Variants in ELOVL2 observed in about 807,000 individuals in gnomAD.
ELOVL2 encodes very long chain fatty acid elongase 2.
In ELOVL2, 38 loss-of-function variants were observed where a neutral mutation model predicts 37.7. That is an observed-to-expected ratio of 1.01 (90% CI 0.78 to 1.32). The LOEUF (loss-of-function observed/expected upper bound fraction) is 1.32. ELOVL2 is among the 40% of genes most tolerant of loss of function. The probability of loss-of-function intolerance (pLI) is 0.00; values close to 1 mark genes in which losing one functional copy is unlikely to be tolerated. For missense variants in ELOVL2, 352 were observed against 363.6 expected, an observed-to-expected ratio of 0.97 and a Z score of 0.26; for synonymous variants, 115 against 122.3, an observed-to-expected ratio of 0.94 and a Z score of 0.40.
intron 7 of ELOVL2, 64 bp downstream of exon 7, chr6:10,989,639 C>CT: frequency 6.8e-7 from 1 of 1,472,632 alleles, no homozygotes; most frequent in Non-Finnish European, 9.3e-7. Flanking sequence ...AACTCTGTCT[C>CT]CAAAAAAAAA....
At chr6:10,984,402 C>T (rs1782004293) in intron 7 of ELOVL2, among the ~76,000 whole-genome samples, 1 of 151,850 alleles carries the variant, frequency 6.6e-6, no homozygotes, top group African/African-American at 2.4e-5. Context: ...GGAACATGTG[C>T]ACAATGTGCA....
At chr6:11,038,432 G>A (rs1003849935) in intron 1 of ELOVL2, among the ~76,000 whole-genome samples, 1 of 152,008 alleles carries the variant, frequency 6.6e-6, no homozygotes, top group Non-Finnish European at 1.5e-5. Context: ...AGTGAGCCAA[G>A]ATTGCGCTAC....
intron 2 of ELOVL2, among the ~76,000 whole-genome samples, chr6:11,005,874 A>C (rs78905340): frequency 2.4e-3 from 367 of 152,282 alleles, no homozygotes; most frequent in African/African-American, 8.6e-3. Context: ...ATTAATATGA[A>C]GTAAGTACTA....
intron 1 of ELOVL2, among the ~76,000 whole-genome samples, chr6:11,022,392 C>T (rs1782777069): frequency 6.6e-6 from 1 of 152,146 alleles, no homozygotes; most frequent in African/African-American, 2.4e-5. Context: ...TCTTACCCAG[C>T]AGAGAGGGGC....
chr6:11,020,175 TTAAG>T (rs1292804845), intron 1 of ELOVL2, among the ~76,000 whole-genome samples: 3 of 112,070 alleles, frequency 2.7e-5, no homozygotes, highest in Non-Finnish European at 5.2e-5. Flanking sequence ...AAGTTCCTCC[TTAAG>T]TCTTAAAAAA....
chr6:10,999,564 C>T (rs894860183), intron 4 of ELOVL2, among the ~76,000 whole-genome samples: 36 of 151,854 alleles, frequency 2.4e-4, no homozygotes, highest in African/African-American at 8.5e-4. Context: ...TTAGTAGAGA[C>T]GGGGTTTCAC....
intron 1 of ELOVL2, among the ~76,000 whole-genome samples, chr6:11,030,338 A>G (rs1042592950): frequency 6.6e-6 from 1 of 152,186 alleles, no homozygotes; most frequent in African/African-American, 2.4e-5. Flanking sequence ...TATTCTTAAC[A>G]GACCTCTGAT....
At chr6:11,006,804 T>C (rs1782490764) in intron 2 of ELOVL2, among the ~76,000 whole-genome samples, 2 of 152,228 alleles carry the variant, frequency 1.3e-5, no homozygotes, top group Non-Finnish European at 2.9e-5. Flanking sequence ...CAATCACCTG[T>C]CATAAGTCTG....
chr6:11,023,813 A>T (rs1173548872), intron 1 of ELOVL2, among the ~76,000 whole-genome samples: 3 of 152,344 alleles, frequency 2.0e-5, no homozygotes, highest in East Asian at 1.9e-4. Flanking sequence ...GAATAATGTC[A>T]AATCAAATTG....
chr6:11,020,540 C>G (rs1051489470), intron 1 of ELOVL2, among the ~76,000 whole-genome samples: 48 of 152,154 alleles, frequency 3.2e-4, no homozygotes, highest in Admixed American at 3.1e-3. Context: ...CCCAGATGCT[C>G]AGGGAAGGGG....
chr6:10,987,055 G>A (rs1353571900), intron 7 of ELOVL2, among the ~76,000 whole-genome samples: 2 of 152,118 alleles, frequency 1.3e-5, no homozygotes, highest in South Asian at 2.1e-4. Context: ...CAGAGATTCA[G>A]CTTCTTCCTG....
chr6:10,982,326 C>T lies in ELOVL2; in HGVS notation c.*1455G>A, dbSNP rs543481264. 6.6e-6 allele frequency: 1 copy of T among 152,176 alleles called. No homozygotes were observed. The highest frequency in any genetic ancestry group is 1.9e-4 in the East Asian group (1 of 5,172). The allele number at this position is 152,176 out of a possible 1,614,324, so 9.4% of individuals were successfully genotyped here. On this transcript the variant is annotated 3_prime_UTR_variant, in exon 8 of 8. Transcript: ENST00000354666. ...CCGAGAGAGAAAGGCACTCTGGACGCTAATGAGTGGGGACGGTGGTGGAAA... is the reference window on the plus strand; with the variant it reads ...CCGAGAGAGAAAGGCACTCTGGACGTTAATGAGTGGGGACGGTGGTGGAAA...
At chr6:10,995,917 GT>G (rs1333050645) in intron 4 of ELOVL2, among the ~76,000 whole-genome samples, 1 of 152,000 alleles carries the variant, frequency 6.6e-6, no homozygotes, top group Non-Finnish European at 1.5e-5. Flanking sequence ...TATGTTTTTT[GT>G]CTCTTAGACT....
intron 2 of ELOVL2, among the ~76,000 whole-genome samples, chr6:11,006,837 T>C (rs557327967): frequency 1.3e-5 from 2 of 152,376 alleles, no homozygotes; most frequent in African/African-American, 4.8e-5. Context: ...CTTCCTAATG[T>C]CCATCTCCAT....
At chr6:10,998,376 CCCTTTT>C (rs1174864821) in intron 4 of ELOVL2, among the ~76,000 whole-genome samples, 2 of 152,108 alleles carry the variant, frequency 1.3e-5, no homozygotes, top group African/African-American at 4.8e-5. Context: ...GAAGAACTTT[CCCTTTT>C]CATCGATTTG....
At chr6:11,023,534 T>G (rs2113544603) in intron 1 of ELOVL2, among the ~76,000 whole-genome samples, 1 of 152,346 alleles carries the variant, frequency 6.6e-6, no homozygotes, top group South Asian at 2.1e-4. Context: ...TCAAAAGGAT[T>G]ATTATTTTAC....
chr6:11,044,079 C>G lies in ELOVL2; in HGVS notation c.3+149G>C, dbSNP rs1289760943. 1 of 1,045,486 alleles carries G rather than the reference C, an allele frequency of 9.6e-7. No homozygotes were observed. The highest frequency in any genetic ancestry group is 1.7e-5 in the African/African-American group (1 of 58,746). 64.8% of individuals were successfully genotyped at this position (1,045,486 alleles called of 1,614,324 possible). A position where few individuals can be genotyped will look rare whatever the true frequency, so the allele number is the denominator to read the frequency against. ...TCAGCTCCCGCTCCCCAGGCCCGCG[C>G]GGACCCGGCCCCTCCGAGGGTAGCG... On this transcript the variant is annotated intron_variant, in intron 1 of 7. Coordinates refer to ENST00000354666, the MANE Select transcript of ELOVL2 (RefSeq NM_017770.4). The surrounding 1 kb of genome is among the most constrained non-coding windows in gnomAD (Gnocchi z 5.6).
chr6:11,002,439 C>A (rs995746986), intron 3 of ELOVL2, among the ~76,000 whole-genome samples: 6 of 152,202 alleles, frequency 3.9e-5, no homozygotes, highest in Non-Finnish European at 7.3e-5. Context: ...TGTCACCTGA[C>A]TAGTATCTAT....
At chr6:11,002,828 T>C (rs1276010052) in intron 3 of ELOVL2, among the ~76,000 whole-genome samples, 2 of 152,212 alleles carry the variant, frequency 1.3e-5, no homozygotes, top group African/African-American at 4.8e-5. Context: ...CTGTGTCTTA[T>C]CCATCTTATA....
Sources: allele counts gnomAD v4.1 joint callset (sites outside exome capture counted in the v4.1 genomes callset), GRCh38; gene constraint gnomAD v4.1.1; non-coding constraint Gnocchi (gnomAD v3.1); transcripts MANE v1.5; gene names NCBI Gene and HGNC (gene_info 2026-07-23, HGNC 2026-07-21).